HERC2: variants seen among roughly 807,000 people sequenced by gnomAD.
The protein encoded by HERC2 is HECT and RLD domain containing E3 ubiquitin protein ligase 2, also known as E3 ubiquitin-protein ligase HERC2.
HERC2 carries 102 observed loss-of-function variants against 537.7 expected under a neutral mutation model. The observed-to-expected ratio is 0.19, with a 90% CI of 0.16 to 0.22. The LOEUF (loss-of-function observed/expected upper bound fraction) is 0.22. Among genes scored for constraint, HERC2 ranks in the 10% least tolerant of loss-of-function variants. HERC2 has a pLI of 1.00. For synonymous variants in HERC2, 2,224 were observed against 2,466.2 expected, an observed-to-expected ratio of 0.90 and a Z score of 2.91; for missense variants, 4,236 against 6,198.2, an observed-to-expected ratio of 0.68 and a Z score of 10.63.
intron 3 of HERC2, among the ~76,000 whole-genome samples, chr15:28,296,395 C>T (rs1197613168): frequency 6.6e-6 from 1 of 152,060 alleles, no homozygotes; most frequent in Non-Finnish European, 1.5e-5. Flanking sequence ...ACTGCTTGAA[C>T]CGGGGAGGCA....
chr15:28,228,291 G>A lies in HERC2; in HGVS notation c.5391C>T (p.His1797=), dbSNP rs200571641. 4.3e-4 allele frequency: 692 copies of A among 1,613,002 alleles called. 12 individuals carry two copies. In the South Asian group the frequency reaches 5.3e-3, roughly 12 times the overall value. The part of the protein sequence containing the change: ...LVMLSMLTLQ[H]GANNLDLLLN... The stretch of plus-strand genomic sequence containing the variant: ...GCAGAAGGTCGAGGTTGTTTGCGCC[G>A]TGCTGCAGGGTGAGCATGCTGAGCA... Residue 1797 remains histidine (H), a synonymous_variant, in exon 35 of 93, where the codon CAC becomes CAT. Coordinates refer to ENST00000261609, the MANE Select transcript of HERC2 (RefSeq NM_004667.6).
At chr15:28,227,423 C>T (rs950631558) in intron 35 of HERC2, among the ~76,000 whole-genome samples, 5 of 146,842 alleles carry the variant, frequency 3.4e-5, no homozygotes, top group African/African-American at 1.0e-4. Flanking sequence ...CACAATGAGA[C>T]ACCACTTCAC....
chr15:28,232,617 T>C (rs1299368953), intron 30 of HERC2, among the ~76,000 whole-genome samples: 1 of 152,166 alleles, frequency 6.6e-6, no homozygotes, highest in African/African-American at 2.4e-5. Flanking sequence ...GTGACTAAAT[T>C]CTAAACTATT....
At chr15:28,157,750 CTCTGA>C (rs1204953486) in intron 69 of HERC2, among the ~76,000 whole-genome samples, 1 of 152,122 alleles carries the variant, frequency 6.6e-6, no homozygotes, top group East Asian at 1.9e-4. Flanking sequence ...TTTAGTTCTG[CTCTGA>C]TCTTAGTTAT....
intron 45 of HERC2, chr15:28,203,355 C>CG (rs779192140): frequency 2.5e-4 from 38 of 149,458 alleles, no homozygotes; most frequent in Non-Finnish European, 4.0e-4. Flanking sequence ...TGGAGCCCCC[C>CG]GGTGCTCAGG....
At chr15:28,182,123 G>C (rs1381807641) in intron 57 of HERC2, among the ~76,000 whole-genome samples, 1 of 152,058 alleles carries the variant, frequency 6.6e-6, no homozygotes, top group Non-Finnish European at 1.5e-5. Flanking sequence ...TTGTAGGGAA[G>C]GCAAGATACA....
At chr15:28,235,089 G>C (rs904778839) in intron 26 of HERC2, among the ~76,000 whole-genome samples, 4 of 152,018 alleles carry the variant, frequency 2.6e-5, no homozygotes, top group Admixed American at 2.6e-4. Context: ...TTAACGATCT[G>C]TGTTATCAAA....
chr15:28,243,562 C>T (rs372604046), intron 23 of HERC2, among the ~76,000 whole-genome samples: 74 of 152,128 alleles, frequency 4.9e-4, no homozygotes, highest in African/African-American at 1.7e-3. Context: ...TAGAAAAATG[C>T]GCACAAAACT....
chr15:28,137,205 A>C (rs1452398726), intron 78 of HERC2, among the ~76,000 whole-genome samples: 1 of 152,234 alleles, frequency 6.6e-6, no homozygotes. Flanking sequence ...AATTCTCCTG[A>C]GAATTGACAC....
At position 28,125,084 on chromosome 15, in the gene HERC2, G is replaced by A; in HGVS notation, c.12912C>T (p.Asn4304=). The A allele has an allele frequency of 6.2e-7, 1 of 1,614,104 alleles. No homozygotes were observed. Among genetic ancestry groups the A allele is most frequent in the Non-Finnish European group, 8.5e-7 (1 of 1,179,916 alleles). Residue 4304 remains asparagine, a synonymous_variant, in exon 84 of 93, where the codon AAC becomes AAT. Coordinates refer to ENST00000261609, the MANE Select transcript of HERC2 (RefSeq NM_004667.6). ...LVAALQGKKV[N]RVACGSAHTL... ...TATGTGCTGAGCCACAGGCCACACG[G>A]TTGACCTTCTTACCCTGAAGGGCAG... is the stretch of plus-strand genomic sequence containing the variant.
At chr15:28,316,237 AAAAAAAAAAAGGAATTGTCAT>A (rs2077081354) in intron 2 of HERC2, among the ~76,000 whole-genome samples, 6 of 151,128 alleles carry the variant, frequency 4.0e-5, no homozygotes, top group African/African-American at 1.2e-4. Flanking sequence ...AAAAAAAAAA[AAAAAAAAAAAGGAATTGTCAT>A]CAAAGTCCTA....
At chr15:28,118,609 G>A (rs1410314595) in intron 86 of HERC2, among the ~76,000 whole-genome samples, 1 of 152,184 alleles carries the variant, frequency 6.6e-6, no homozygotes, top group Non-Finnish European at 1.5e-5. Context: ...GTGTTCTGGA[G>A]TCTCTGAAAC....
chr15:28,147,030 G>A (rs867615272), intron 70 of HERC2, among the ~76,000 whole-genome samples: 1 of 139,448 alleles, frequency 7.2e-6, no homozygotes, highest in African/African-American at 2.8e-5. Flanking sequence ...ATTCTGGGGG[G>A]GCCGCAGGAG....
At chr15:28,205,026 G>A (rs1898272496) in intron 45 of HERC2, among the ~76,000 whole-genome samples, 1 of 152,094 alleles carries the variant, frequency 6.6e-6, no homozygotes, top group Non-Finnish European at 1.5e-5. Context: ...GGAGGACGGT[G>A]GGGTGGGCGG....
Position 28,132,226 on chromosome 15 carries a change from G to A in HERC2, c.12444C>T (p.Ile4148=), listed in dbSNP as rs745691418. The change falls in exon 81 of 93, where the codon ATC becomes ATT. Residue 4148 remains isoleucine (I), a synonymous_variant. Coordinates refer to ENST00000261609, the MANE Select transcript of HERC2 (RefSeq NM_004667.6). ...EALQGHRVVD[I]ACGSGDAQTL... is the part of the protein sequence containing the mutation. ...TCTGGGCATCTCCACTGCCACAGGC[G>A]ATGTCAACCACACGGTGGCCCTGCA... 5.6e-6 allele frequency: 9 copies of A among 1,613,410 alleles called. No homozygotes were observed. The highest frequency in any genetic ancestry group is 3.3e-5 in the Admixed American group (2 of 59,972).
intron 4 of HERC2, among the ~76,000 whole-genome samples, 193 bp from the exon 5 acceptor site, chr15:28,280,480 C>T (rs1315382854): frequency 2.0e-5 from 3 of 152,160 alleles, no homozygotes; most frequent in Non-Finnish European, 4.4e-5. Context: ...GCTGTCCATC[C>T]ATTTTATGGA....
rs1891560548 is a variant in HERC2, at chr15:28,144,671, A to T, written c.11140+2T>A. 1 of 1,614,186 alleles carries T rather than the reference A, an allele frequency of 6.2e-7. No homozygotes were observed. The highest frequency in any genetic ancestry group is 2.2e-5 in the East Asian group (1 of 44,878). On this transcript the variant is annotated splice_donor_variant, in intron 72 of 92. Transcript: ENST00000261609. LOFTEE classifies it high-confidence loss of function. ...CTTGATCGCCATAAGCCCCTTCCTT[A>T]CCAGCAGCTGGCATGATGGGATAGA...
chr15:28,228,110 C>T, intron 35 of HERC2, 108 bp downstream of exon 35: 1 of 970,316 alleles, frequency 1.0e-6, no homozygotes, highest in Non-Finnish European at 1.5e-6. Flanking sequence ...TGTGTCTTAC[C>T]ATAATTTACA....
chr15:28,184,127 G>A (rs12592282), intron 56 of HERC2, among the ~76,000 whole-genome samples: 10,564 of 152,122 alleles, frequency 0.069, 881 homozygotes, highest in East Asian at 0.42. Context: ...GGAGGCAGAG[G>A]TTGCAGTGAG....
Sources: gnomAD v4.1 joint callset for allele counts (sites outside exome capture counted in the v4.1 genomes callset) on GRCh38, gnomAD v4.1.1 for gene constraint, MANE v1.5 for transcripts, NCBI Gene and HGNC (gene_info 2026-07-23, HGNC 2026-07-21) for gene names.